Variants in GABPB1 observed in about 807,000 individuals in gnomAD.
GABPB1 encodes the protein GA binding protein transcription factor subunit beta 1.
GABPB1 carries 15 observed loss-of-function variants against 45.9 expected under a neutral mutation model. The ratio of observed to expected loss-of-function variants is 0.33; its 90% CI spans 0.22 to 0.50. GABPB1 has a LOEUF of 0.50. Ranked by LOEUF, GABPB1 falls within the 20% of genes least tolerant of loss-of-function variation. GABPB1 has a pLI of 0.98. For missense variants in GABPB1, 252 were observed against 457.5 expected (o/e 0.55, Z 4.10); for synonymous variants, 143 against 154.4 (o/e 0.93, Z 0.55).
intron 1 of GABPB1, among the ~76,000 whole-genome samples, chr15:50,342,014 G>A (rs1283534204): frequency 6.6e-6 from 1 of 151,998 alleles, no homozygotes. Flanking sequence ...TTTTAATACA[G>A]GGTTATTTAC....
chr15:50,317,173 A>G (rs1295698573), intron 1 of GABPB1, among the ~76,000 whole-genome samples: 2 of 151,996 alleles, frequency 1.3e-5, no homozygotes, highest in Non-Finnish European at 2.9e-5. Flanking sequence ...AGGCAGGTGG[A>G]TCACCTGAGG....
chr15:50,339,276 C>T (rs934424564), intron 1 of GABPB1, among the ~76,000 whole-genome samples: 1 of 152,200 alleles, frequency 6.6e-6, no homozygotes, highest in Non-Finnish European at 1.5e-5. Flanking sequence ...CAAGATCACA[C>T]TGCTGCACTC....
intron 7 of GABPB1, among the ~76,000 whole-genome samples, chr15:50,289,276 C>T (rs987237482): frequency 2.0e-5 from 3 of 151,946 alleles, no homozygotes; most frequent in African/African-American, 7.2e-5. Context: ...TTTAATTAGC[C>T]TAAGCAAATA....
chr15:50,277,126 T>C lies in GABPB1; in HGVS notation c.*1506A>G, dbSNP rs983799608. On this transcript the variant is annotated 3_prime_UTR_variant, in exon 9 of 9. Transcript: ENST00000380877. The stretch of plus-strand genomic sequence containing the variant: ...GAAAGAGTTAACAAATTCTCAAGAG[T>C]TACCTCAGGAATTTTAAAGTCATGT... The C allele has an allele frequency of 6.6e-6, 1 of 152,124 alleles. No homozygotes were observed. The allele number at this position is 152,124 out of a possible 1,614,324, so 9.4% of individuals were successfully genotyped here. A position where few individuals can be genotyped will look rare whatever the true frequency, so the allele number is the denominator to read the frequency against.
chr15:50,325,536 TG>T (rs1226119322), intron 1 of GABPB1, among the ~76,000 whole-genome samples: 7 of 152,026 alleles, frequency 4.6e-5, no homozygotes, highest in Non-Finnish European at 8.8e-5. Flanking sequence ...CTTTTTTTTT[TG>T]TTTTTTTTTC....
intron 1 of GABPB1, among the ~76,000 whole-genome samples, chr15:50,332,844 T>C (rs1302384195): frequency 6.6e-6 from 1 of 152,118 alleles, no homozygotes; most frequent in Admixed American, 6.5e-5. Context: ...TTTTAATCCA[T>C]TAGACATTTT....
intron 2 of GABPB1, 132 bp downstream of exon 2, chr15:50,309,559 T>G: frequency 1.6e-6 from 1 of 610,692 alleles, no homozygotes; most frequent in Non-Finnish European, 2.9e-6. Flanking sequence ...GTTATAATTC[T>G]AAAATAATAA....
At chr15:50,331,341 A>G (rs958099104) in intron 1 of GABPB1, among the ~76,000 whole-genome samples, 2 of 152,216 alleles carry the variant, frequency 1.3e-5, no homozygotes, top group Non-Finnish European at 2.9e-5. Context: ...GCAGATTCCA[A>G]TAACAGTAGT....
intron 1 of GABPB1, among the ~76,000 whole-genome samples, chr15:50,348,056 A>AAAAAAAAG (rs2048664805): frequency 6.6e-6 from 1 of 151,706 alleles, no homozygotes; most frequent in Non-Finnish European, 1.5e-5. Flanking sequence ...AAAAAAAAAA[A>AAAAAAAAG]GAATCACTAC....
intron 1 of GABPB1, among the ~76,000 whole-genome samples, chr15:50,343,090 G>A (rs576435988): frequency 4.6e-5 from 7 of 152,162 alleles, no homozygotes; most frequent in East Asian, 3.9e-4. Flanking sequence ...TAGTAGAGAC[G>A]GGGTTTCACC....
intron 8 of GABPB1, among the ~76,000 whole-genome samples, chr15:50,279,778 G>A (rs1220766028): frequency 6.6e-6 from 1 of 152,150 alleles, no homozygotes; most frequent in African/African-American, 2.4e-5. Flanking sequence ...TGAAGGCCAG[G>A]GGTCGGACTA....
chr15:50,286,813 A>T (rs2046174608), intron 7 of GABPB1, among the ~76,000 whole-genome samples: 1 of 152,170 alleles, frequency 6.6e-6, no homozygotes, highest in African/African-American at 2.4e-5. Context: ...CTTTATATAA[A>T]TGCAATTATA....
chr15:50,328,962 T>A (rs1347385858), intron 1 of GABPB1, among the ~76,000 whole-genome samples: 1 of 152,222 alleles, frequency 6.6e-6, no homozygotes, highest in Non-Finnish European at 1.5e-5. Context: ...TTTGTTCTAT[T>A]TATTGTTATA....
At chr15:50,294,540 T>C (rs767291952) in intron 6 of GABPB1, among the ~76,000 whole-genome samples, 10 of 151,720 alleles carry the variant, frequency 6.6e-5, no homozygotes, top group Admixed American at 5.3e-4. Context: ...TAAAATAAAA[T>C]GGAAACTATA....
intron 1 of GABPB1, among the ~76,000 whole-genome samples, chr15:50,327,608 G>A (rs975984594): frequency 3.3e-5 from 5 of 152,088 alleles, no homozygotes; most frequent in African/African-American, 9.7e-5. Context: ...TTCTAGTAGA[G>A]TTTAAGATGG....
intron 2 of GABPB1, 94 bp from the exon 3 acceptor site, chr15:50,304,227 T>C: frequency 9.8e-7 from 1 of 1,021,224 alleles, no homozygotes; most frequent in Admixed American, 3.6e-5. Flanking sequence ...ATTATCTGTT[T>C]ACATAGCAAC....
At position 50,305,973 on chromosome 15, in the gene GABPB1, T is replaced by G. The variant is rs76103196; in HGVS notation, c.109-1840A>C. On this transcript the variant is annotated intron_variant, in intron 2 of 8. Coordinates refer to ENST00000380877, the MANE Select transcript of GABPB1 (RefSeq NM_016654.5). ...TGTAGTTTTTGTAGCTTTTTGGGTTTTTTTTTATTCATTTTTTTAGAGTCA... is the reference window on the plus strand; with the variant it reads ...TGTAGTTTTTGTAGCTTTTTGGGTTGTTTTTTATTCATTTTTTTAGAGTCA... 7.9e-3 allele frequency among the ~76,000 whole-genome samples: 1,208 copies of G among 151,980 alleles called. 14 individuals carry two copies. The highest frequency in any genetic ancestry group is 0.028 in the African/African-American group (1,166 of 41,486).
intron 1 of GABPB1, among the ~76,000 whole-genome samples, chr15:50,310,111 G>C (rs1412854335): frequency 1.3e-5 from 2 of 152,054 alleles, no homozygotes; most frequent in Non-Finnish European, 2.9e-5. Flanking sequence ...TTTTTTTCTT[G>C]ACACAGAGTC....
rs1171177307 is a variant in GABPB1, at chr15:50,328,113, T to C, written c.1-18315A>G. On this transcript the variant is annotated intron_variant, in intron 1 of 8. Coordinates refer to ENST00000380877, the MANE Select transcript of GABPB1 (RefSeq NM_016654.5). ...TACAAATTTTCAAATATAGAAAATA[T>C]ACATGCATATATATAATATATACTG... Among the ~76,000 whole-genome samples, 5 of 152,094 alleles carry C rather than the reference T, an allele frequency of 3.3e-5. No individual in the cohort carries two copies. The South Asian group carries it at 1.0e-3, about 31-fold the overall frequency.
Sources: allele counts gnomAD v4.1 joint callset (sites outside exome capture counted in the v4.1 genomes callset), GRCh38; gene constraint gnomAD v4.1.1; transcripts MANE v1.5; gene names NCBI Gene and HGNC (gene_info 2026-07-23, HGNC 2026-07-21).